Variants in ANKS1B observed in about 807,000 individuals in gnomAD.
The protein encoded by ANKS1B is ankyrin repeat and sterile alpha motif domain containing 1B, also known as ankyrin repeat and sterile alpha motif domain-containing protein 1B.
A neutral mutation model predicts 148.3 loss-of-function variants in ANKS1B; 36 were observed. That is an observed-to-expected ratio of 0.24 (90% CI 0.19 to 0.32). The LOEUF (loss-of-function observed/expected upper bound fraction) is 0.32. Among genes scored for constraint, ANKS1B ranks in the 10% least tolerant of loss-of-function variants. The pLI is 1.00. For synonymous variants in ANKS1B, 542 were observed against 560.8 expected, an observed-to-expected ratio of 0.97 and a Z score of 0.47; for missense variants, 1,157 against 1,542.6, an observed-to-expected ratio of 0.75 and a Z score of 4.19.
At position 99,806,303 on chromosome 12, in the gene ANKS1B, C is replaced by G; in HGVS notation, c.669+101G>C. 4 of 1,426,548 alleles carry G rather than the reference C, an allele frequency of 2.8e-6. No homozygotes were observed. In the South Asian group the frequency reaches 5.3e-5, roughly 19 times the overall value. 88.4% of individuals were successfully genotyped at this position (1,426,548 alleles called of 1,614,324 possible). A position where few individuals can be genotyped will look rare whatever the true frequency, so the allele number is the denominator to read the frequency against. ...CAGTAGTTACAAAAGTACTTGTGAA[C>G]AATTTGATTAAAAGATTTCTACATA... On this transcript the variant is annotated intron_variant, in intron 4 of 26. Transcript: ENST00000683438.
chr12:99,701,899 C>T (rs997510534), intron 8 of ANKS1B, among the ~76,000 whole-genome samples: 1 of 152,096 alleles, frequency 6.6e-6, no homozygotes, highest in African/African-American at 2.4e-5. Flanking sequence ...CATAGAACTC[C>T]ATCATGTATA....
At chr12:99,415,360 T>C (rs2094863449) in intron 11 of ANKS1B, among the ~76,000 whole-genome samples, 1 of 152,282 alleles carries the variant, frequency 6.6e-6, no homozygotes, top group East Asian at 1.9e-4. Flanking sequence ...ATTTGTTTCA[T>C]CTTAGGAACA....
chr12:99,779,980 A>T lies in ANKS1B; in HGVS notation c.746-8T>A. The T allele has an allele frequency of 1.3e-6, 2 of 1,595,932 alleles. No homozygotes were observed. Among genetic ancestry groups the T allele is most frequent in the Non-Finnish European group, 1.7e-6 (2 of 1,167,656 alleles). On this transcript the variant is annotated splice_region_variant and splice_polypyrimidine_tract_variant and intron_variant, in intron 5 of 26. Coordinates refer to ENST00000683438, the MANE Select transcript of ANKS1B (RefSeq NM_001352186.2). ...TTATGTTGGCATCAATTCCTGAAAGAAAAAGAAAAACTCACTAGATATACA... is the reference window on the plus strand; with the variant it reads ...TTATGTTGGCATCAATTCCTGAAAGTAAAAGAAAAACTCACTAGATATACA...
At chr12:99,614,710 G>T (rs901745064) in intron 9 of ANKS1B, among the ~76,000 whole-genome samples, 1 of 151,642 alleles carries the variant, frequency 6.6e-6, no homozygotes, top group African/African-American at 2.4e-5. Context: ...TCTCTCTATT[G>T]TGTATGTTTA....
intron 8 of ANKS1B, among the ~76,000 whole-genome samples, chr12:99,705,277 A>G (rs1053348070): frequency 3.3e-5 from 5 of 152,116 alleles, no homozygotes; most frequent in African/African-American, 1.2e-4. Context: ...AACTAATCAC[A>G]GTTTAGGGTA....
intron 8 of ANKS1B, among the ~76,000 whole-genome samples, chr12:99,755,953 A>T (rs1225768428): frequency 6.6e-6 from 1 of 152,100 alleles, no homozygotes; most frequent in Admixed American, 6.6e-5. Context: ...TCAAAATAAT[A>T]AGAGCCATAT....
In ANKS1B at chr12:99,068,751, AT is replaced by A. The variant is rs2045352433; in HGVS notation, c.2626-15443del. On this transcript the variant is annotated intron_variant, in intron 16 of 26. Coordinates refer to ENST00000683438, the MANE Select transcript of ANKS1B (RefSeq NM_001352186.2). ...AGAGAGAGAGAAAGGGAGGGTGAAT[AT>A]GGACATCCATTTCTCTTTATTGTCC... is the stretch of plus-strand genomic sequence containing the variant. Among the ~76,000 whole-genome samples, 8 of 146,394 alleles carry A rather than the reference AT, an allele frequency of 5.5e-5. No homozygotes were observed. The South Asian group carries it at 1.8e-3, about 33-fold the overall frequency.
intron 10 of ANKS1B, among the ~76,000 whole-genome samples, chr12:99,460,860 G>T (rs760689316): frequency 5.9e-5 from 9 of 152,004 alleles, no homozygotes; most frequent in South Asian, 4.1e-4. Context: ...AGTAAAAGTA[G>T]ATCTACCATT....
At chr12:99,095,788 C>A (rs569172829) in intron 15 of ANKS1B, among the ~76,000 whole-genome samples, 1 of 152,134 alleles carries the variant, frequency 6.6e-6, no homozygotes, top group Non-Finnish European at 1.5e-5. Context: ...TGAAAGTTAT[C>A]AGATCCAAGT....
At chr12:99,875,586 T>C (rs1192723531) in intron 1 of ANKS1B, among the ~76,000 whole-genome samples, 2 of 152,190 alleles carry the variant, frequency 1.3e-5, no homozygotes, top group Admixed American at 6.5e-5. Flanking sequence ...GCACAGGAAA[T>C]GGAAAACCAT....
At chr12:99,393,260 T>A (rs567374997) in intron 12 of ANKS1B, among the ~76,000 whole-genome samples, 9 of 152,148 alleles carry the variant, frequency 5.9e-5, no homozygotes, top group Non-Finnish European at 1.3e-4. Flanking sequence ...GATTGAAATA[T>A]CTTAGCAGAT....
At chr12:99,163,812 C>T (rs2076937073) in intron 14 of ANKS1B, among the ~76,000 whole-genome samples, 1 of 152,070 alleles carries the variant, frequency 6.6e-6, no homozygotes, top group Non-Finnish European at 1.5e-5. Flanking sequence ...CTTATTTTTT[C>T]ATTTCTGAGT....
chr12:98,994,988 A>G (rs1259911172), intron 17 of ANKS1B, among the ~76,000 whole-genome samples: 1 of 152,208 alleles, frequency 6.6e-6, no homozygotes, highest in Non-Finnish European at 1.5e-5. Flanking sequence ...TAATTAATGT[A>G]TAGCTTGTTT....
At chr12:99,320,900 T>C (rs2085131557) in intron 12 of ANKS1B, among the ~76,000 whole-genome samples, 1 of 152,164 alleles carries the variant, frequency 6.6e-6, no homozygotes, top group South Asian at 2.1e-4. Flanking sequence ...CCTTTCTGTT[T>C]GTTAGTTTTC....
chr12:99,085,018 G>A lies in ANKS1B; in HGVS notation c.2532C>T (p.Ser844=), dbSNP rs1437820906. ...ACAAATCCTGATCTTCCATAACATT[G>A]CTTCCCTGAAACAAAACAGAAATGT... ...NGFDNVQFMG[S]NVMEDQDLLE... Residue 844 remains serine (S), a synonymous_variant, in exon 16 of 27, where the codon AGC becomes AGT. Transcript: ENST00000683438. The A allele has an allele frequency of 6.2e-7, 1 of 1,604,736 alleles. No homozygotes were observed. The highest frequency in any genetic ancestry group is 1.7e-5 in the Admixed American group (1 of 58,868).
chr12:99,792,681 A>G (rs1205452429), intron 4 of ANKS1B, among the ~76,000 whole-genome samples: 1 of 151,838 alleles, frequency 6.6e-6, no homozygotes, highest in Non-Finnish European at 1.5e-5. Flanking sequence ...TTAAAAAAAA[A>G]TAGTCAAAAC....
intron 10 of ANKS1B, among the ~76,000 whole-genome samples, chr12:99,468,633 A>T (rs1233586023): frequency 6.6e-6 from 1 of 152,244 alleles, no homozygotes; most frequent in African/African-American, 2.4e-5. Flanking sequence ...GGCAAAGGAT[A>T]TGAACAGACA....
intron 11 of ANKS1B, among the ~76,000 whole-genome samples, chr12:99,434,709 T>G (rs1417217134): frequency 6.6e-6 from 1 of 152,112 alleles, no homozygotes; most frequent in African/African-American, 2.4e-5. Context: ...AGTTAATGTC[T>G]AAACTCAATT....
chr12:99,365,189 GC>G (rs2092699908), intron 12 of ANKS1B, among the ~76,000 whole-genome samples: 1 of 152,096 alleles, frequency 6.6e-6, no homozygotes, highest in Non-Finnish European at 1.5e-5. Flanking sequence ...AGCTCCTGCC[GC>G]CCACAAGGGC....
Sources: allele counts gnomAD v4.1 joint callset (sites outside exome capture counted in the v4.1 genomes callset), GRCh38; gene constraint gnomAD v4.1.1; transcripts MANE v1.5; gene names NCBI Gene and HGNC (gene_info 2026-07-23, HGNC 2026-07-21).